Variants in DDX46 observed in about 807,000 individuals in gnomAD.
The protein encoded by DDX46 is DEAD-box helicase 46.
Under a neutral mutation model 134.9 loss-of-function variants are expected in DDX46, and 30 were observed. That is an observed-to-expected ratio of 0.22 (90% CI 0.17 to 0.30). DDX46 has a LOEUF of 0.30. Among genes scored for constraint, DDX46 ranks in the 10% least tolerant of loss-of-function variants. DDX46 has a pLI of 1.00. For synonymous variants in DDX46, 415 were observed against 404.1 expected, an observed-to-expected ratio of 1.03 and a Z score of -0.32; for missense variants, 622 against 1,248.7, an observed-to-expected ratio of 0.50 and a Z score of 7.56.
intron 3 of DDX46, among the ~76,000 whole-genome samples, chr5:134,767,590 C>T (rs914114916): frequency 2.6e-5 from 4 of 151,942 alleles, no homozygotes; most frequent in Admixed American, 6.5e-5. Context: ...ATCTGCCCAC[C>T]TCGGCTTCCC....
chr5:134,766,609 T>A (rs1305885884), intron 2 of DDX46, among the ~76,000 whole-genome samples: 1 of 151,074 alleles, frequency 6.6e-6, no homozygotes, highest in Non-Finnish European at 1.5e-5. Flanking sequence ...TAATCCCAGC[T>A]GCTGGGGAGG....
intron 4 of DDX46, among the ~76,000 whole-genome samples, chr5:134,771,354 A>G (rs1753763339): frequency 6.9e-6 from 1 of 144,780 alleles, no homozygotes; most frequent in Non-Finnish European, 1.5e-5. Flanking sequence ...CGGACCCCCA[A>G]AGTGCTGAGA....
chr5:134,776,694 A>G lies in DDX46; in HGVS notation c.614-880A>G, dbSNP rs1753947576. On this transcript the variant is annotated intron_variant, in intron 5 of 22. Coordinates refer to ENST00000452510, the MANE Select transcript of DDX46 (RefSeq NM_001300860.2). ...CACTTTGGGAGGCTGAGGTGGGTGG[A>G]TCACAAGGTCAGGAGTTCGAGACCA... 3.3e-5 allele frequency among the ~76,000 whole-genome samples: 5 copies of G among 151,994 alleles called. No homozygotes were observed. In the South Asian group the frequency reaches 1.0e-3, roughly 32 times the overall value.
chr5:134,771,821 CT>C (rs1178658647), intron 4 of DDX46, among the ~76,000 whole-genome samples: 9 of 152,166 alleles, frequency 5.9e-5, no homozygotes, highest in East Asian at 3.9e-4. Context: ...ATATTTACCC[CT>C]GTGGGAAAAT....
At chr5:134,810,809 C>G (rs1236062248) in intron 16 of DDX46, among the ~76,000 whole-genome samples, 1 of 151,568 alleles carries the variant, frequency 6.6e-6, no homozygotes, top group Non-Finnish European at 1.5e-5. Flanking sequence ...AATTTGAGAC[C>G]AGCCTGGCCG....
In DDX46 at chr5:134,770,999, C is replaced by T. The variant is rs769081232; in HGVS notation, c.447C>T (p.Gly149=). The stretch of plus-strand genomic sequence containing the variant: ...AGGATGAAAAAGAAAAAGATGCTGG[C>T]GTATGTTTATTAACTTAAAAATAAT... The part of the protein sequence containing the change: ...DKEDEKEKDA[G]NFDQNKLEEE... The change falls in exon 4 of 23, where the codon GGC becomes GGT. Residue 149 remains glycine, a splice_region_variant and synonymous_variant. Transcript: ENST00000452510. The T allele has an allele frequency of 1.3e-5, 15 of 1,165,028 alleles. 1 individual carries two copies. The highest frequency in any genetic ancestry group is 2.4e-5 in the East Asian group (1 of 41,534). 72.2% of individuals were successfully genotyped at this position (1,165,028 alleles called of 1,614,324 possible).
intron 15 of DDX46, among the ~76,000 whole-genome samples, chr5:134,807,224 G>A (rs962487295): frequency 7.3e-6 from 1 of 136,732 alleles, no homozygotes; most frequent in Non-Finnish European, 1.5e-5. Context: ...GTTTCACCAT[G>A]TTGGTCAGGC....
chr5:134,803,522 T>A (rs1003249828), intron 15 of DDX46, among the ~76,000 whole-genome samples: 3 of 152,218 alleles, frequency 2.0e-5, no homozygotes, highest in African/African-American at 7.2e-5. Context: ...AGTTTTGACT[T>A]CCTCGCTTGG....
intron 2 of DDX46, among the ~76,000 whole-genome samples, chr5:134,766,625 G>T (rs975456882): frequency 1.3e-5 from 2 of 152,194 alleles, no homozygotes; most frequent in Non-Finnish European, 2.9e-5. Context: ...GGAGGCTGAG[G>T]CAGGAGAATC....
intron 22 of DDX46, among the ~76,000 whole-genome samples, 190 bp from the exon 23 acceptor site, chr5:134,828,469 T>C (rs919689406): frequency 6.6e-6 from 1 of 152,176 alleles, no homozygotes; most frequent in Admixed American, 6.5e-5. Flanking sequence ...TATTGAATAG[T>C]TTTTCCTTTC....
At chr5:134,786,805 A>T (rs1271059785) in intron 11 of DDX46, among the ~76,000 whole-genome samples, 1 of 152,174 alleles carries the variant, frequency 6.6e-6, no homozygotes, top group African/African-American at 2.4e-5. Flanking sequence ...AGATCACGCC[A>T]CTGCACTCCA....
intron 15 of DDX46, among the ~76,000 whole-genome samples, chr5:134,801,737 G>A (rs1009920045): frequency 6.6e-6 from 1 of 152,072 alleles, no homozygotes; most frequent in Non-Finnish European, 1.5e-5. Context: ...AGTATTCATT[G>A]TATGGATTTA....
In DDX46 at chr5:134,777,691, T is replaced by C. The variant is rs1259133862; in HGVS notation, c.731T>C (p.Met244Thr). ...EVKEEVKKFN[M>T]RSVKGGGGNE... ...AAAGAGGAAGTAAAAAAATTTAACA[T>C]GAGAAGTGTAAAAGGTGGTGGGGGA... is the stretch of plus-strand genomic sequence containing the variant. The change falls in exon 6 of 23, where the codon ATG (methionine) becomes ACG (threonine). Residue 244 changes from methionine (M) to threonine (T), a missense_variant. Physicochemically the swap from Met to Thr is moderately conservative, Grantham distance 81. Around this residue, in one of 8 missense-constraint regions of DDX46, gnomAD observed 244 missense variants for 349.3 expected, o/e 0.70. Transcript: ENST00000452510. 1 of 1,612,092 alleles carries C rather than the reference T, an allele frequency of 6.2e-7. No homozygotes were observed.
At chr5:134,771,517 C>G (rs752093798) in intron 4 of DDX46, among the ~76,000 whole-genome samples, 4 of 147,806 alleles carry the variant, frequency 2.7e-5, no homozygotes, top group African/African-American at 5.0e-5. Context: ...ATGGTGAAAC[C>G]CTGTCTCTAC....
At chr5:134,779,127 C>G (rs890485785) in intron 6 of DDX46, among the ~76,000 whole-genome samples, 1 of 151,936 alleles carries the variant, frequency 6.6e-6, no homozygotes, top group African/African-American at 2.4e-5. Flanking sequence ...GAACTCCTGA[C>G]CTCAGGTGAT....
At chr5:134,790,264 ACC>A in intron 12 of DDX46, 1 of 628,384 alleles carries the variant, frequency 1.6e-6, no homozygotes, top group Non-Finnish European at 2.9e-6. Flanking sequence ...GGCCTCATAT[ACC>A]CATTGTCAGA....
intron 12 of DDX46, among the ~76,000 whole-genome samples, chr5:134,789,905 A>G (rs1463525797): frequency 2.0e-5 from 3 of 152,164 alleles, no homozygotes; most frequent in African/African-American, 7.2e-5. Context: ...TGGTATTTAA[A>G]GTTTTTGTGT....
intron 9 of DDX46, among the ~76,000 whole-genome samples, 176 bp downstream of exon 9, chr5:134,783,241 T>TTTTTGTTTTG (rs899581663): frequency 2.0e-5 from 3 of 151,910 alleles, no homozygotes; most frequent in Non-Finnish European, 4.4e-5. Flanking sequence ...AACTGGTTTT[T>TTTTTGTTTTG]TTTTGTTTTG....
At chr5:134,773,092 G>A (rs1310435299) in intron 4 of DDX46, among the ~76,000 whole-genome samples, 1 of 151,880 alleles carries the variant, frequency 6.6e-6, no homozygotes, top group Non-Finnish European at 1.5e-5. Context: ...AAGCCACCAT[G>A]CCTGGCCATA....
Sources: gnomAD v4.1 joint callset for allele counts (sites outside exome capture counted in the v4.1 genomes callset) on GRCh38, gnomAD v4.1.1 for gene constraint, gnomAD v4.1.1 regional missense constraint, MANE v1.5 for transcripts, NCBI Gene and HGNC (gene_info 2026-07-23, HGNC 2026-07-21) for gene names.